The following BTBD9 variants were observed in gnomAD, a reference collection of about 807,000 sequenced individuals.
BTBD9 encodes the protein BTB/POZ domain-containing protein 9.
A neutral mutation model predicts 64.3 loss-of-function variants in BTBD9; 49 were observed. The ratio of observed to expected loss-of-function variants is 0.76; its 90% CI spans 0.61 to 0.97. BTBD9 has a LOEUF of 0.97. BTBD9 is among the 50% of genes least tolerant of loss of function. The probability of loss-of-function intolerance (pLI) is 0.00; values close to 1 mark genes in which losing one functional copy is unlikely to be tolerated. For synonymous variants in BTBD9, 260 were observed against 274.7 expected (o/e 0.95, Z 0.53); for missense variants, 598 against 762.1 (o/e 0.78, Z 2.53).
chr6:38,598,086 G>A lies in BTBD9; in HGVS notation c.9C>T (p.Asn3=), dbSNP rs202182293. The A allele has an allele frequency of 1.2e-5, 20 of 1,612,480 alleles. No individual in the cohort carries two copies. In the Admixed American group the frequency reaches 1.7e-4, roughly 13 times the overall value. ...CAGTAAAGGGGCGAAGAGGGTGGCTGTTACTCATCTTGTGGAATAGACGAT... is the reference window on the plus strand; with the variant it reads ...CAGTAAAGGGGCGAAGAGGGTGGCTATTACTCATCTTGTGGAATAGACGAT... MS[N]SHPLRPFTAV... Residue 3 remains asparagine, a synonymous_variant, in exon 2 of 11, where the codon AAC becomes AAT. Transcript: ENST00000481247.
intron 6 of BTBD9, among the ~76,000 whole-genome samples, chr6:38,462,739 C>T (rs1770159561): frequency 6.6e-6 from 1 of 152,132 alleles, no homozygotes; most frequent in Admixed American, 6.5e-5. Flanking sequence ...AAAAACTTTA[C>T]AATATTGAGT....
At chr6:38,283,902 T>C (rs950332792) in intron 8 of BTBD9, among the ~76,000 whole-genome samples, 2 of 152,222 alleles carry the variant, frequency 1.3e-5, no homozygotes, top group Non-Finnish European at 2.9e-5. Flanking sequence ...CTAATCAACC[T>C]GTCATTGGTC....
chr6:38,277,091 A>T (rs188081904), intron 8 of BTBD9, among the ~76,000 whole-genome samples: 20 of 152,322 alleles, frequency 1.3e-4, no homozygotes, highest in Admixed American at 1.1e-3. Context: ...ATTTTGATCA[A>T]TCAGGAGGTA....
At chr6:38,500,924 T>G (rs1188799132) in intron 6 of BTBD9, among the ~76,000 whole-genome samples, 1 of 152,182 alleles carries the variant, frequency 6.6e-6, no homozygotes, top group Non-Finnish European at 1.5e-5. Context: ...TCTGCAGATC[T>G]CCATGGGTAC....
chr6:38,303,874 T>TATATATATATCC (rs368257334), intron 7 of BTBD9, among the ~76,000 whole-genome samples: 1 of 82,650 alleles, frequency 1.2e-5, no homozygotes, highest in Non-Finnish European at 2.3e-5. Context: ...TATATATATA[T>TATATATATATCC]ACACACACAC....
intron 9 of BTBD9, among the ~76,000 whole-genome samples, chr6:38,199,024 T>C (rs528322595): frequency 6.6e-6 from 1 of 152,266 alleles, no homozygotes; most frequent in Non-Finnish European, 1.5e-5. Context: ...GGAAGACTGG[T>C]TGAAAGAAGG....
rs373449107 is a variant in BTBD9 at position 38,192,550 on chromosome 6, C to T, written c.1610G>A (p.Arg537His). 14 of 1,613,802 alleles carry T rather than the reference C, an allele frequency of 8.7e-6. No individual in the cohort carries two copies. Among genetic ancestry groups the T allele is most frequent in the South Asian group, 2.2e-5 (2 of 91,054 alleles). The change falls in exon 10 of 11, where the codon CGT becomes CAT. Residue 537 changes from arginine (R) to histidine (H), a missense_variant. Coordinates refer to ENST00000481247, the MANE Select transcript of BTBD9 (RefSeq NM_001099272.2). Reference sequence around the variant, plus strand: ...TGCTGTGTTGTGTGTCCCAACGATACGGATGAAGGAGGCAGGCTGCCTTTC... The same window carrying T: ...TGCTGTGTTGTGTGTCCCAACGATATGGATGAAGGAGGCAGGCTGCCTTTC... ...TFERQPASFI[R>H]IVGTHNTANE...
intron 1 of BTBD9, among the ~76,000 whole-genome samples, chr6:38,621,390 A>C (rs1777976455): frequency 6.6e-6 from 1 of 152,214 alleles, no homozygotes; most frequent in Non-Finnish European, 1.5e-5. Context: ...ATGCCGCCTG[A>C]GAGGAACTCT....
chr6:38,557,155 G>A (rs1234811386), intron 6 of BTBD9, among the ~76,000 whole-genome samples: 1 of 146,456 alleles, frequency 6.8e-6, no homozygotes, highest in Non-Finnish European at 1.5e-5. Flanking sequence ...AGAACAGTCT[G>A]GCCAACATGG....
intron 7 of BTBD9, among the ~76,000 whole-genome samples, chr6:38,299,812 G>T (rs1762316366): frequency 6.6e-6 from 1 of 152,134 alleles, no homozygotes. Context: ...TAGGTTGCCT[G>T]TTCACTCTGA....
chr6:38,200,454 A>T (rs1436422640), intron 9 of BTBD9, among the ~76,000 whole-genome samples: 1 of 152,230 alleles, frequency 6.6e-6, no homozygotes, highest in Non-Finnish European at 1.5e-5. Flanking sequence ...ACTACATAAA[A>T]ATACAAAGGA....
intron 9 of BTBD9, among the ~76,000 whole-genome samples, chr6:38,205,563 T>TA (rs1304551275): frequency 4.0e-5 from 6 of 151,710 alleles, no homozygotes; most frequent in Admixed American, 6.6e-5. Flanking sequence ...AATAATAAAA[T>TA]AAAAACTTCA....
intron 7 of BTBD9, among the ~76,000 whole-genome samples, chr6:38,293,646 A>C (rs1416112334): frequency 6.6e-6 from 1 of 152,228 alleles, no homozygotes; most frequent in Non-Finnish European, 1.5e-5. Context: ...CCCCTTCCTT[A>C]CACTTTATAC....
chr6:38,484,110 T>C, intron 6 of BTBD9, among the ~76,000 whole-genome samples: 1 of 152,218 alleles, frequency 6.6e-6, no homozygotes, highest in Non-Finnish European at 1.5e-5. Flanking sequence ...GAAATGACGA[T>C]GAAATCCTTG....
At chr6:38,436,552 T>A (rs1378457156) in intron 6 of BTBD9, among the ~76,000 whole-genome samples, 1 of 151,736 alleles carries the variant, frequency 6.6e-6, no homozygotes. Flanking sequence ...ATTTTTGTAT[T>A]TTTAGTAGAG....
rs1334292006 is a variant in BTBD9 at position 38,544,919 on chromosome 6, C to T, written c.1154+32681G>A. 2.7e-4 allele frequency among the ~76,000 whole-genome samples: 7 copies of T among 26,018 alleles called. No individual in the cohort carries two copies. In the Admixed American group the frequency reaches 3.3e-3, roughly 12 times the overall value. 17.1% of individuals were successfully genotyped at this position (26,018 alleles called of 152,430 possible). A position where few individuals can be genotyped will look rare whatever the true frequency, so the allele number is the denominator to read the frequency against. ...TCCAGCCTGGGAAACAAGAACAAAACTACATCTCAAAAAAAAAAAAAAAAA... is the reference window on the plus strand; with the variant it reads ...TCCAGCCTGGGAAACAAGAACAAAATTACATCTCAAAAAAAAAAAAAAAAA... On this transcript the variant is annotated intron_variant, in intron 6 of 10. Transcript: ENST00000481247.
chr6:38,182,159 G>A (rs774406684), intron 10 of BTBD9, among the ~76,000 whole-genome samples: 3 of 152,090 alleles, frequency 2.0e-5, no homozygotes, highest in South Asian at 2.1e-4. Flanking sequence ...GCTTATGTAC[G>A]GCAACAGCTT....
At chr6:38,439,669 C>T (rs1415230558) in intron 6 of BTBD9, among the ~76,000 whole-genome samples, 1 of 151,926 alleles carries the variant, frequency 6.6e-6, no homozygotes, top group Non-Finnish European at 1.5e-5. Flanking sequence ...TCAAATGATC[C>T]GCCCTCCTCA....
chr6:38,367,075 A>T (rs1440284199), intron 6 of BTBD9, among the ~76,000 whole-genome samples: 2 of 152,246 alleles, frequency 1.3e-5, no homozygotes, highest in Non-Finnish European at 2.9e-5. Context: ...AAAAATGTGA[A>T]CACTTTAGAA....
Sources: gnomAD v4.1 joint callset for allele counts (sites outside exome capture counted in the v4.1 genomes callset) on GRCh38, gnomAD v4.1.1 for gene constraint, MANE v1.5 for transcripts, NCBI Gene and HGNC (gene_info 2026-07-23, HGNC 2026-07-21) for gene names.